KIF6: variants seen among roughly 807,000 people sequenced by gnomAD.
KIF6 encodes the protein kinesin family member 6.
A neutral mutation model predicts 112.7 loss-of-function variants in KIF6; 106 were observed. That is an observed-to-expected ratio of 0.94 (90% CI 0.80 to 1.11). KIF6 has a LOEUF of 1.11. Ranked by LOEUF, KIF6 falls within the 50% of genes least tolerant of loss-of-function variation. The probability of loss-of-function intolerance (pLI) is 0.00; values close to 1 mark genes in which losing one functional copy is unlikely to be tolerated. For synonymous variants in KIF6, 339 were observed against 339.9 expected, an observed-to-expected ratio of 1.00 and a Z score of 0.03; for missense variants, 929 against 964.0, an observed-to-expected ratio of 0.96 and a Z score of 0.48.
At chr6:39,596,717 G>T (rs547391211) in intron 6 of KIF6, among the ~76,000 whole-genome samples, 36 of 152,180 alleles carry the variant, frequency 2.4e-4, no homozygotes, top group Non-Finnish European at 4.3e-4. Flanking sequence ...CTAAAGTGGA[G>T]GCCCTAGACA....
At chr6:39,585,663 A>T (rs1781588134) in intron 8 of KIF6, among the ~76,000 whole-genome samples, 2 of 152,090 alleles carry the variant, frequency 1.3e-5, no homozygotes, top group Non-Finnish European at 1.5e-5. Context: ...ATCCACACAC[A>T]TGAAAGATCA....
intron 5 of KIF6, among the ~76,000 whole-genome samples, chr6:39,632,849 T>C (rs113331748): frequency 0.02 from 3,019 of 152,184 alleles, 54 homozygotes; most frequent in Non-Finnish European, 0.029. Context: ...CTCGATCTCC[T>C]GACCTTGTGA....
chr6:39,336,936 TTTC>T (rs139770313), intron 22 of KIF6, among the ~76,000 whole-genome samples: 8,657 of 150,922 alleles, frequency 0.057, 839 homozygotes, highest in African/African-American at 0.2. Flanking sequence ...CTCTTCTTTC[TTTC>T]TTTTTCTTTC....
At chr6:39,338,862 G>T (rs747876885) in intron 22 of KIF6, among the ~76,000 whole-genome samples, 1 of 151,678 alleles carries the variant, frequency 6.6e-6, no homozygotes, top group Admixed American at 6.6e-5. Flanking sequence ...GAACGCTGCC[G>T]GTGGTAGGGA....
chr6:39,587,467 C>A (rs530950497), intron 7 of KIF6, among the ~76,000 whole-genome samples: 12 of 152,276 alleles, frequency 7.9e-5, no homozygotes, highest in African/African-American at 2.4e-4. Context: ...TAGTCTCATT[C>A]TAAATTCATG....
chr6:39,553,937 G>T lies in KIF6; in HGVS notation c.1182-8249C>A. 1.9e-5 allele frequency: 3 copies of T among 154,854 alleles called. No individual in the cohort carries two copies. The South Asian group carries it at 5.4e-4, about 28-fold the overall frequency. The allele number at this position is 154,854 out of a possible 1,614,324, so 9.6% of individuals were successfully genotyped here. On this transcript the variant is annotated intron_variant, in intron 10 of 22. Transcript: ENST00000287152. ...GTAGGAGGCCAAGGACAGCGTGCTT[G>T]ACCTCAAGCTGGCAGCTGACATCCT...
chr6:39,411,005 T>C (rs1457877320), intron 15 of KIF6, among the ~76,000 whole-genome samples: 3 of 151,936 alleles, frequency 2.0e-5, no homozygotes, highest in African/African-American at 7.3e-5. Context: ...TGCCAGCAGC[T>C]ACTGTCCTAA....
chr6:39,369,331 C>A (rs72860027), intron 16 of KIF6, among the ~76,000 whole-genome samples: 1 of 152,052 alleles, frequency 6.6e-6, no homozygotes, highest in African/African-American at 2.4e-5. Flanking sequence ...AATGACCCTG[C>A]GGACACATGG....
At chr6:39,503,177 A>G (rs1397019314) in intron 13 of KIF6, among the ~76,000 whole-genome samples, 13 of 152,234 alleles carry the variant, frequency 8.5e-5, no homozygotes, top group Admixed American at 8.5e-4. Flanking sequence ...AGAACTCAAG[A>G]TTAAGAAATT....
At chr6:39,663,334 G>C (rs1419597175) in intron 3 of KIF6, among the ~76,000 whole-genome samples, 2 of 152,206 alleles carry the variant, frequency 1.3e-5, no homozygotes, top group African/African-American at 4.8e-5. Flanking sequence ...AGGACTATAA[G>C]GATTTGTTCC....
chr6:39,418,786 C>A (rs1413297223), intron 15 of KIF6, among the ~76,000 whole-genome samples: 1 of 152,048 alleles, frequency 6.6e-6, no homozygotes, highest in South Asian at 2.1e-4. Context: ...GTTTACCGAC[C>A]GAGACAAACT....
intron 15 of KIF6, among the ~76,000 whole-genome samples, chr6:39,388,967 AG>A (rs1374297113): frequency 2.0e-5 from 3 of 152,216 alleles, no homozygotes; most frequent in Admixed American, 6.5e-5. Flanking sequence ...AATTTACCAC[AG>A]TACATGCTAG....
rs6927183 is a variant in KIF6 at position 39,645,908 on chromosome 6, G to A, written c.252-6151C>T. Among the ~76,000 whole-genome samples, 1,152 of 151,984 alleles carry A rather than the reference G, an allele frequency of 7.6e-3. 19 individuals carry two copies. Among genetic ancestry groups the A allele is most frequent in the African/African-American group, 0.026 (1,096 of 41,436 alleles). ...CACCACATGTCCTCACTCATAGGTG[G>A]GAATTGAACAATGAGAACACTTGGA... is the stretch of plus-strand genomic sequence containing the variant. On this transcript the variant is annotated intron_variant, in intron 3 of 22. Coordinates refer to ENST00000287152, the MANE Select transcript of KIF6 (RefSeq NM_145027.6).
At chr6:39,622,376 C>T (rs1002521919) in intron 5 of KIF6, among the ~76,000 whole-genome samples, 6 of 152,096 alleles carry the variant, frequency 3.9e-5, no homozygotes, top group Admixed American at 6.6e-5. Flanking sequence ...TGTTTTAACA[C>T]ATAAAAGTTT....
intron 13 of KIF6, among the ~76,000 whole-genome samples, chr6:39,483,501 T>C (rs1562254593): frequency 6.6e-6 from 1 of 152,200 alleles, no homozygotes; most frequent in Non-Finnish European, 1.5e-5. Context: ...CACTGGGGTG[T>C]ACCTTTGTCT....
chr6:39,432,923 C>A (rs572001539), intron 13 of KIF6, among the ~76,000 whole-genome samples: 2 of 151,650 alleles, frequency 1.3e-5, no homozygotes, highest in South Asian at 4.2e-4. Flanking sequence ...CCAAATTGCT[C>A]CCCCCCGCAG....
intron 3 of KIF6, among the ~76,000 whole-genome samples, chr6:39,696,958 G>A (rs1268753237): frequency 6.6e-6 from 1 of 152,014 alleles, no homozygotes; most frequent in African/African-American, 2.4e-5. Context: ...ATTGTTAGAT[G>A]CCACAGGTAC....
At chr6:39,441,681 AC>A (rs1771930844) in intron 13 of KIF6, among the ~76,000 whole-genome samples, 1 of 152,214 alleles carries the variant, frequency 6.6e-6, no homozygotes, top group Non-Finnish European at 1.5e-5. Context: ...AGATGTGAAG[AC>A]CAGAGATCAG....
intron 13 of KIF6, among the ~76,000 whole-genome samples, chr6:39,488,717 C>T (rs548091295): frequency 6.6e-6 from 1 of 152,316 alleles, no homozygotes; most frequent in Non-Finnish European, 1.5e-5. Context: ...CATATTCCTA[C>T]TAGAGAGAGA....
Sources: gnomAD v4.1 joint callset for allele counts (sites outside exome capture counted in the v4.1 genomes callset) on GRCh38, gnomAD v4.1.1 for gene constraint, MANE v1.5 for transcripts, NCBI Gene and HGNC (gene_info 2026-07-23, HGNC 2026-07-21) for gene names.